The following SCFD2 variants were observed in gnomAD, a reference collection of about 807,000 sequenced individuals.
The protein encoded by SCFD2 is sec1 family domain-containing protein 2.
SCFD2 carries 54 observed loss-of-function variants against 58.9 expected under a neutral mutation model. The ratio of observed to expected loss-of-function variants is 0.92; its 90% confidence interval spans 0.74 to 1.15. SCFD2 has a LOEUF of 1.15. SCFD2 is among the 50% of genes most tolerant of loss of function. SCFD2 has a pLI of 0.00. For missense variants in SCFD2, 805 were observed against 836.6 expected, an observed-to-expected ratio of 0.96 and a Z score of 0.47; for synonymous variants, 321 against 335.9, an observed-to-expected ratio of 0.96 and a Z score of 0.49.
intron 4 of SCFD2, among the ~76,000 whole-genome samples, chr4:53,221,144 C>T (rs1336037633): frequency 6.6e-6 from 1 of 152,128 alleles, no homozygotes; most frequent in East Asian, 1.9e-4. Context: ...CACTAATGCC[C>T]AGAACCACTC....
intron 4 of SCFD2, among the ~76,000 whole-genome samples, chr4:53,231,753 T>A (rs1027860294): frequency 6.6e-6 from 1 of 152,096 alleles, no homozygotes; most frequent in Non-Finnish European, 1.5e-5. Flanking sequence ...GCTAATATAC[T>A]TTTTTCTTTT....
intron 5 of SCFD2, among the ~76,000 whole-genome samples, chr4:53,092,285 T>G (rs1365079227): frequency 6.6e-6 from 1 of 152,174 alleles, no homozygotes; most frequent in East Asian, 1.9e-4. Context: ...TCGTATTTTT[T>G]AACATCTTGT....
chr4:52,928,182 A>T (rs555224780), intron 5 of SCFD2, among the ~76,000 whole-genome samples: 19 of 152,192 alleles, frequency 1.2e-4, no homozygotes, highest in African/African-American at 4.6e-4. Context: ...AAAAAAATTT[A>T]AAAAAATAGC....
chr4:52,914,860 T>C (rs1376838224), intron 6 of SCFD2, among the ~76,000 whole-genome samples: 1 of 152,196 alleles, frequency 6.6e-6, no homozygotes, highest in Non-Finnish European at 1.5e-5. Context: ...GAGAGCCTCA[T>C]GAGGCTGGCC....
At chr4:53,314,504 T>G (rs1386801926) in intron 2 of SCFD2, among the ~76,000 whole-genome samples, 2 of 152,216 alleles carry the variant, frequency 1.3e-5, no homozygotes, top group Non-Finnish European at 2.9e-5. Flanking sequence ...ATCTCTGCCA[T>G]GTAGCCAAGT....
At chr4:53,012,098 A>G (rs1435731785) in intron 5 of SCFD2, among the ~76,000 whole-genome samples, 4 of 151,794 alleles carry the variant, frequency 2.6e-5, no homozygotes, top group African/African-American at 9.7e-5. Flanking sequence ...TCCAAAAACA[A>G]CAGCAAGAAA....
At chr4:53,302,048 G>A (rs1177407199) in intron 3 of SCFD2, among the ~76,000 whole-genome samples, 5 of 152,112 alleles carry the variant, frequency 3.3e-5, no homozygotes, top group Non-Finnish European at 7.4e-5. Context: ...GCACAAGACA[G>A]GGATGCCCTC....
chr4:53,298,135 A>G (rs1179935115), intron 3 of SCFD2, among the ~76,000 whole-genome samples: 7 of 152,170 alleles, frequency 4.6e-5, no homozygotes, highest in Non-Finnish European at 1.0e-4. Context: ...CGTGAGCCGA[A>G]GCAGGGCGAG....
chr4:53,219,405 G>A (rs1022629607), intron 4 of SCFD2, among the ~76,000 whole-genome samples: 15 of 152,312 alleles, frequency 9.8e-5, no homozygotes, highest in African/African-American at 3.1e-4. Context: ...AGCAATAAGC[G>A]AGGCTCCATG....
At chr4:53,213,771 T>C (rs1728704490) in intron 4 of SCFD2, among the ~76,000 whole-genome samples, 2 of 152,048 alleles carry the variant, frequency 1.3e-5, no homozygotes, top group African/African-American at 2.4e-5. Flanking sequence ...TCGTCATTTA[T>C]ATTAGTTATA....
At chr4:53,334,881 A>T (rs2149137613) in intron 2 of SCFD2, among the ~76,000 whole-genome samples, 1 of 152,318 alleles carries the variant, frequency 6.6e-6, no homozygotes, top group African/African-American at 2.4e-5. Context: ...GGACGAATTT[A>T]AATTATGTTC....
At chr4:53,090,862 AT>A (rs1227547935) in intron 5 of SCFD2, among the ~76,000 whole-genome samples, 1 of 152,130 alleles carries the variant, frequency 6.6e-6, no homozygotes, top group East Asian at 1.9e-4. Flanking sequence ...GATAAGCACT[AT>A]CATCATTCCC....
chr4:53,017,251 G>A (rs1186532418), intron 5 of SCFD2, among the ~76,000 whole-genome samples: 2 of 152,188 alleles, frequency 1.3e-5, no homozygotes, highest in African/African-American at 4.8e-5. Context: ...GGTGGAGGTA[G>A]TTATGCAATG....
At chr4:53,314,631 TTAGTAA>T (rs1732801259) in intron 2 of SCFD2, among the ~76,000 whole-genome samples, 1 of 152,202 alleles carries the variant, frequency 6.6e-6, no homozygotes, top group African/African-American at 2.4e-5. Context: ...TACTATCCAC[TTAGTAA>T]TAGTTCAAAA....
At chr4:53,202,754 T>A (rs900129969) in intron 4 of SCFD2, among the ~76,000 whole-genome samples, 1 of 152,084 alleles carries the variant, frequency 6.6e-6, no homozygotes, top group African/African-American at 2.4e-5. Flanking sequence ...CCCTTGTAAG[T>A]TGGATTCCTA....
At chr4:53,040,719 C>G (rs1292572819) in intron 5 of SCFD2, among the ~76,000 whole-genome samples, 1 of 152,200 alleles carries the variant, frequency 6.6e-6, no homozygotes, top group Non-Finnish European at 1.5e-5. Context: ...GCTTCTTACT[C>G]ATTGCCTTTT....
At position 53,365,322 on chromosome 4, in the gene SCFD2, G is replaced by C. The variant is rs761815304; in HGVS notation, c.620C>G (p.Thr207Arg). Residue 207 changes from threonine to arginine, a missense_variant, in exon 1 of 9, where the codon ACG becomes AGG. Physicochemically the swap from Thr to Arg is moderately conservative, Grantham distance 71 (BLOSUM62 -1). Transcript: ENST00000401642. This position sits in a 1 kb window ranked among gnomAD's most constrained non-coding sequence, Gnocchi z 4.3. Reference protein sequence around the residue: ...LGSLGDVDSTTLTPELLLQIR... With the variant: ...LGSLGDVDSTRLTPELLLQIR... Reference sequence around the variant, plus strand: ...CTGCAGCAGCAGCTCTGGGGTTAGCGTAGTGGAGTCCACATCACCCAGGCT... The same window carrying C: ...CTGCAGCAGCAGCTCTGGGGTTAGCCTAGTGGAGTCCACATCACCCAGGCT... 1.2e-6 allele frequency: 2 copies of C among 1,614,196 alleles called. No homozygotes were observed. Among genetic ancestry groups the C allele is most frequent in the South Asian group, 1.1e-5 (1 of 91,084 alleles).
At chr4:53,222,269 T>G (rs1157088025) in intron 4 of SCFD2, among the ~76,000 whole-genome samples, 1 of 152,252 alleles carries the variant, frequency 6.6e-6, no homozygotes. Context: ...ATCTTGGTTT[T>G]GAAACACGGA....
At chr4:52,899,823 A>G (rs924967734) in intron 7 of SCFD2, among the ~76,000 whole-genome samples, 1 of 152,160 alleles carries the variant, frequency 6.6e-6, no homozygotes, top group Non-Finnish European at 1.5e-5. Flanking sequence ...ATATAGTCCC[A>G]TATTTCTTGG....
Sources: allele counts gnomAD v4.1 joint callset (sites outside exome capture counted in the v4.1 genomes callset), GRCh38; gene constraint gnomAD v4.1.1; non-coding constraint Gnocchi (gnomAD v3.1); transcripts MANE v1.5; gene names NCBI Gene and HGNC (gene_info 2026-07-23, HGNC 2026-07-21).